The following GINM1 variants were observed in gnomAD, a reference collection of about 807,000 sequenced individuals.
GINM1 encodes the protein glycoprotein integral membrane protein 1.
GINM1 carries 29 observed loss-of-function variants against 37.8 expected under a neutral mutation model. The ratio of observed to expected loss-of-function variants is 0.77; its 90% CI spans 0.57 to 1.05. GINM1 has a LOEUF of 1.05. Ranked by LOEUF, GINM1 falls within the 50% of genes least tolerant of loss-of-function variation. The pLI is 0.00. For missense variants in GINM1, 377 were observed against 397.9 expected, an observed-to-expected ratio of 0.95 and a Z score of 0.45; for synonymous variants, 143 against 146.2, an observed-to-expected ratio of 0.98 and a Z score of 0.16.
At chr6:149,568,861 GCT>G (rs1777763071) in intron 1 of GINM1, among the ~76,000 whole-genome samples, 1 of 151,652 alleles carries the variant, frequency 6.6e-6, no homozygotes, top group Non-Finnish European at 1.5e-5. Context: ...GGAATATCTC[GCT>G]CTGTCTCACA....
chr6:149,576,669 C>T (rs1777919439), intron 3 of GINM1, among the ~76,000 whole-genome samples: 1 of 152,164 alleles, frequency 6.6e-6, no homozygotes. Flanking sequence ...AGGTCCAGCC[C>T]ACTTGAGGGA....
chr6:149,567,204 A>C (rs1014290489), intron 1 of GINM1, among the ~76,000 whole-genome samples: 15 of 152,214 alleles, frequency 9.9e-5, no homozygotes, highest in Non-Finnish European at 2.2e-4. Context: ...ATGCCAGCTG[A>C]GGTGGGAGAA....
At chr6:149,576,056 C>T (rs1207184309) in intron 3 of GINM1, 1 of 152,102 alleles carries the variant, frequency 6.6e-6, no homozygotes, top group African/African-American at 2.4e-5. Context: ...AATCAGTGGC[C>T]TAAGACAATA....
At chr6:149,584,207 CTCAGGTGGA>C (rs1479830818) in intron 7 of GINM1, among the ~76,000 whole-genome samples, 15 of 152,116 alleles carry the variant, frequency 9.9e-5, no homozygotes, top group Non-Finnish European at 2.2e-4. Flanking sequence ...AACTCCTGAC[CTCAGGTGGA>C]TCAGGTGGAT....
At chr6:149,582,300 A>G in intron 6 of GINM1, 140 bp from the exon 7 acceptor site, 1 of 706,306 alleles carries the variant, frequency 1.4e-6, no homozygotes, top group Admixed American at 2.6e-5. Flanking sequence ...AGTTTTGACA[A>G]ATGTAGTCAC....
intron 6 of GINM1, chr6:149,581,964 T>TA (rs1778009148): frequency 4.3e-6 from 2 of 465,052 alleles, no homozygotes; most frequent in Admixed American, 2.4e-5. Context: ...CTCTCGCTCT[T>TA]AAAGTATAGA....
chr6:149,570,902 T>TTCTGTATATAAAGCA (rs1777808395), intron 1 of GINM1, among the ~76,000 whole-genome samples: 1 of 152,226 alleles, frequency 6.6e-6, no homozygotes. Context: ...TAGTGCTTGC[T>TTCTGTATATAAAGCA]TCTGTATATA....
At chr6:149,586,141 G>T (rs943306762) in intron 7 of GINM1, among the ~76,000 whole-genome samples, 1 of 152,150 alleles carries the variant, frequency 6.6e-6, no homozygotes, top group South Asian at 2.1e-4. Context: ...TTAGCTCATG[G>T]TTCTGCAAGA....
chr6:149,574,347 C>T (rs560184325), intron 3 of GINM1, among the ~76,000 whole-genome samples: 33 of 152,212 alleles, frequency 2.2e-4, no homozygotes, highest in East Asian at 1.9e-3. Flanking sequence ...CCACCGTGCC[C>T]GGCCCACTTG....
At chr6:149,570,294 C>G (rs1777799000) in intron 1 of GINM1, among the ~76,000 whole-genome samples, 1 of 150,056 alleles carries the variant, frequency 6.7e-6, no homozygotes, top group Non-Finnish European at 1.5e-5. Flanking sequence ...TACTTCTGGG[C>G]TGTTAGAAGA....
At chr6:149,585,105 A>T (rs556253986) in intron 7 of GINM1, among the ~76,000 whole-genome samples, 5 of 152,220 alleles carry the variant, frequency 3.3e-5, no homozygotes, top group Admixed American at 2.0e-4. Context: ...AGGAAGTTCC[A>T]AACTTTTTTG....
intron 7 of GINM1, among the ~76,000 whole-genome samples, chr6:149,585,536 T>A (rs978406441): frequency 2.0e-5 from 3 of 152,194 alleles, no homozygotes; most frequent in African/African-American, 7.2e-5. Context: ...GTAAATTTTT[T>A]TAATGCCCCT....
intron 7 of GINM1, among the ~76,000 whole-genome samples, chr6:149,584,780 A>T (rs1408136509): frequency 6.7e-6 from 1 of 149,716 alleles, no homozygotes; most frequent in African/African-American, 2.4e-5. Context: ...TATATATATA[A>T]TACTTGTATA....
At position 149,579,910 on chromosome 6, in the gene GINM1, T is replaced by C. The variant is rs1023533034; in HGVS notation, c.506T>C (p.Leu169Pro). The C allele has an allele frequency of 6.2e-7, 1 of 1,608,320 alleles. No homozygotes were observed. Among genetic ancestry groups the C allele is most frequent in the Non-Finnish European group, 8.5e-7 (1 of 1,175,204 alleles). ...GTACTCAGACATTCAAACTATACCCTCCCTTTGGAAGAAAGCATGCTCTAC... is the reference window on the plus strand; with the variant it reads ...GTACTCAGACATTCAAACTATACCCCCCCTTTGGAAGAAAGCATGCTCTAC... ...RGVLRHSNYT[L>P]PLEESMLYSI... The change falls in exon 5 of 8, where the codon CTC becomes CCC. Residue 169 changes from leucine (L) to proline (P), a missense_variant. Physicochemically the swap from Leu to Pro is moderately conservative, Grantham distance 98. Transcript: ENST00000367419.
At chr6:149,569,197 C>G (rs1297331661) in intron 1 of GINM1, among the ~76,000 whole-genome samples, 1 of 151,744 alleles carries the variant, frequency 6.6e-6, no homozygotes, top group Non-Finnish European at 1.5e-5. Flanking sequence ...CTGCGCCCAG[C>G]TAATTTTTTT....
intron 3 of GINM1, among the ~76,000 whole-genome samples, chr6:149,574,588 A>G (rs900640093): frequency 2.6e-5 from 4 of 151,970 alleles, no homozygotes; most frequent in African/African-American, 9.7e-5. Flanking sequence ...TACCCTTGCT[A>G]TCAATAGATT....
chr6:149,588,544 C>A (rs1778107350), intron 7 of GINM1, among the ~76,000 whole-genome samples: 1 of 152,106 alleles, frequency 6.6e-6, no homozygotes, highest in South Asian at 2.1e-4. Context: ...TCATGTTATT[C>A]CTTTACAGCA....
At chr6:149,574,592 A>C (rs1777886467) in intron 3 of GINM1, among the ~76,000 whole-genome samples, 1 of 152,006 alleles carries the variant, frequency 6.6e-6, no homozygotes, top group African/African-American at 2.4e-5. Flanking sequence ...CTTGCTATCA[A>C]TAGATTAGTA....
chr6:149,575,927 C>G (rs1241286534), intron 3 of GINM1, among the ~76,000 whole-genome samples: 1 of 152,188 alleles, frequency 6.6e-6, no homozygotes, highest in Non-Finnish European at 1.5e-5. Flanking sequence ...TATCCAGTTA[C>G]AGCAAGAATC....
Sources: gnomAD v4.1 joint callset for allele counts (sites outside exome capture counted in the v4.1 genomes callset) on GRCh38, gnomAD v4.1.1 for gene constraint, MANE v1.5 for transcripts, NCBI Gene and HGNC (gene_info 2026-07-23, HGNC 2026-07-21) for gene names.